PALM2AKAP2: variants seen among roughly 807,000 people sequenced by gnomAD.
PALM2AKAP2 encodes PALM2-AKAP2 fusion protein.
A neutral mutation model predicts 71.5 loss-of-function variants in PALM2AKAP2; 37 were observed. That is an observed-to-expected ratio of 0.52 (90% CI 0.40 to 0.68). The LOEUF is 0.68. Among genes scored for constraint, PALM2AKAP2 ranks in the 30% least tolerant of loss-of-function variants. The probability of loss-of-function intolerance (pLI) is 0.00; values close to 1 mark genes in which losing one functional copy is unlikely to be tolerated. For missense variants in PALM2AKAP2, 1,224 were observed against 1,191.8 expected, an observed-to-expected ratio of 1.03 and a Z score of -0.40; for synonymous variants, 468 against 478.8, an observed-to-expected ratio of 0.98 and a Z score of 0.29.
chr9:109,654,187 T>C (rs1827263642), intron 1 of PALM2AKAP2, among the ~76,000 whole-genome samples: 1 of 152,216 alleles, frequency 6.6e-6, no homozygotes, highest in South Asian at 2.1e-4. Context: ...CATAATATCT[T>C]GGTATAAATC....
intron 1 of PALM2AKAP2, among the ~76,000 whole-genome samples, chr9:109,745,645 G>A (rs542466679): frequency 2.0e-5 from 3 of 152,270 alleles, no homozygotes; most frequent in Non-Finnish European, 4.4e-5. Context: ...ATAGGCAGAA[G>A]TCATCAACAC....
chr9:109,724,064 G>A (rs745952933), intron 1 of PALM2AKAP2, among the ~76,000 whole-genome samples: 10 of 152,100 alleles, frequency 6.6e-5, no homozygotes, highest in Non-Finnish European at 4.4e-5. Flanking sequence ...AGTATATAAA[G>A]GGGCTCAATG....
chr9:109,981,293 A>T (rs927390848), intron 6 of PALM2AKAP2, among the ~76,000 whole-genome samples: 4 of 152,210 alleles, frequency 2.6e-5, no homozygotes, highest in Non-Finnish European at 5.9e-5. Context: ...GTCAACCAAC[A>T]AATATTTATT....
chr9:109,806,236 T>C (rs1219168976), intron 1 of PALM2AKAP2, among the ~76,000 whole-genome samples: 1 of 152,262 alleles, frequency 6.6e-6, no homozygotes, highest in African/African-American at 2.4e-5. Context: ...TTGATTTATT[T>C]ACAAAAGTGG....
At chr9:109,821,575 A>G (rs1828007217) in intron 1 of PALM2AKAP2, among the ~76,000 whole-genome samples, 1 of 152,208 alleles carries the variant, frequency 6.6e-6, no homozygotes, top group South Asian at 2.1e-4. Context: ...AGTGGTGGGA[A>G]TATAGTGGTG....
At chr9:109,685,561 G>A (rs1238133438) in intron 1 of PALM2AKAP2, among the ~76,000 whole-genome samples, 1 of 152,060 alleles carries the variant, frequency 6.6e-6, no homozygotes, top group Non-Finnish European at 1.5e-5. Context: ...AGTCTTTTAA[G>A]TGTGCAATAG....
intron 1 of PALM2AKAP2, among the ~76,000 whole-genome samples, chr9:109,734,799 T>C (rs925246154): frequency 1.4e-4 from 21 of 152,170 alleles, no homozygotes; most frequent in African/African-American, 4.8e-4. Flanking sequence ...TGTAGGTTAC[T>C]TTGCAAAATG....
chr9:109,882,816 A>AT (rs1265305215), intron 3 of PALM2AKAP2, among the ~76,000 whole-genome samples: 2,280 of 143,806 alleles, frequency 0.016, 55 homozygotes, highest in African/African-American at 0.05. Flanking sequence ...CATTATTATT[A>AT]TTTTTTTTTT....
At chr9:110,013,302 G>A (rs1832918215) in intron 6 of PALM2AKAP2, among the ~76,000 whole-genome samples, 1 of 152,198 alleles carries the variant, frequency 6.6e-6, no homozygotes, top group African/African-American at 2.4e-5. Context: ...TCCCACAGCA[G>A]GAGAGGAGGA....
chr9:110,047,479 T>C (rs530537453), upstream of PALM2AKAP2, among the ~76,000 whole-genome samples: 1 of 152,322 alleles, frequency 6.6e-6, no homozygotes, highest in African/African-American at 2.4e-5. Context: ...AATCAGGCCA[T>C]GGCTATTGTC....
chr9:110,165,418 G>A (rs1478801049), intron 3 of PALM2AKAP2, among the ~76,000 whole-genome samples: 3 of 151,900 alleles, frequency 2.0e-5, no homozygotes, highest in Non-Finnish European at 4.4e-5. Context: ...TTTACTCCCA[G>A]ACACCCCTGG....
intron 1 of PALM2AKAP2, among the ~76,000 whole-genome samples, chr9:110,055,398 T>G (rs2132523543): frequency 6.6e-6 from 1 of 152,186 alleles, no homozygotes; most frequent in East Asian, 1.9e-4. Flanking sequence ...GTTTCACATG[T>G]TGTCCAGGCT....
At chr9:109,692,985 C>G (rs1422243756) in intron 1 of PALM2AKAP2, among the ~76,000 whole-genome samples, 5 of 151,660 alleles carry the variant, frequency 3.3e-5, no homozygotes, top group African/African-American at 1.2e-4. Context: ...TTAATGGTGG[C>G]CTTATAAAAT....
At position 109,699,514 on chromosome 9, in the gene PALM2AKAP2, G is replaced by T. The variant is rs572135757; in HGVS notation, c.5+58648G>T. On this transcript the variant is annotated intron_variant, in intron 1 of 6. Coordinates refer to the PALM2AKAP2 transcript ENST00000374531. ...ATTCCAAAATTAGATGATTAAATTT[G>T]CTGACAAAATTATAGGCCAGAACAT... is the stretch of plus-strand genomic sequence containing the variant. Among the ~76,000 whole-genome samples, 63 of 152,262 alleles carry T rather than the reference G, an allele frequency of 4.1e-4. 1 individual carries two copies. The highest frequency in any genetic ancestry group is 1.4e-3 in the African/African-American group (59 of 41,548).
chr9:109,803,418 G>A (rs2131407728), intron 1 of PALM2AKAP2, among the ~76,000 whole-genome samples: 1 of 152,220 alleles, frequency 6.6e-6, no homozygotes, highest in East Asian at 1.9e-4. Flanking sequence ...CACCTTCTTG[G>A]TGAATTTGTC....
At chr9:110,137,368 G>C (rs145276249) in exon 2 of PALM2AKAP2, 10 of 1,614,016 alleles carry the variant, frequency 6.2e-6, no homozygotes, top group African/African-American at 1.3e-5. Flanking sequence ...CTTCTGTCGG[G>C]GGACCTCCAG....
intron 1 of PALM2AKAP2, among the ~76,000 whole-genome samples, chr9:109,805,748 A>G (rs1408216623): frequency 4.6e-5 from 7 of 152,230 alleles, no homozygotes; most frequent in Non-Finnish European, 1.0e-4. Flanking sequence ...TAATTTACGC[A>G]TTTGGTAAAG....
At chr9:109,978,352 C>A (rs760735517) in intron 6 of PALM2AKAP2, among the ~76,000 whole-genome samples, 7 of 152,152 alleles carry the variant, frequency 4.6e-5, no homozygotes, top group Non-Finnish European at 1.0e-4. Context: ...TCTGGATGGG[C>A]TCATCTATTC....
At chr9:109,930,230 ATT>A (rs111227193) in intron 5 of PALM2AKAP2, among the ~76,000 whole-genome samples, 6 of 145,606 alleles carry the variant, frequency 4.1e-5, no homozygotes, top group African/African-American at 1.3e-4. Context: ...GGAAAAATCT[ATT>A]TTTTTTTTTT....
Sources: allele counts gnomAD v4.1 joint callset (sites outside exome capture counted in the v4.1 genomes callset), GRCh38; gene constraint gnomAD v4.1.1; transcripts MANE v1.5; gene names NCBI Gene and HGNC (gene_info 2026-07-23, HGNC 2026-07-21).